Variants in CYP1B1 observed in about 807,000 individuals in gnomAD.
CYP1B1 encodes cytochrome P450 family 1 subfamily B member 1.
In CYP1B1, 22 loss-of-function variants were observed where a neutral mutation model predicts 29.9. The observed-to-expected ratio is 0.74, with a 90% CI of 0.53 to 1.05. The LOEUF is 1.05. Among genes scored for constraint, CYP1B1 ranks in the 50% least tolerant of loss-of-function variants. CYP1B1 has a pLI of 0.00. For missense variants in CYP1B1, 883 were observed against 746.9 expected, an observed-to-expected ratio of 1.18 and a Z score of -2.12; for synonymous variants, 375 against 320.0, an observed-to-expected ratio of 1.17 and a Z score of -1.83.
At position 38,075,189 on chromosome 2, in the gene CYP1B1, C is replaced by A. The variant is rs546950847; in HGVS notation, c.200G>T (p.Gly67Val). 2 of 1,568,566 alleles carry A rather than the reference C, an allele frequency of 1.3e-6. No homozygotes were observed. The highest frequency in any genetic ancestry group is 2.3e-5 in the East Asian group (1 of 43,504). Reference sequence around the variant, plus strand: ...AGCGAACGAGAGGTGAGCCGCCTGGCCCACCGCCGCCGCGTTTCCGATCAG... The same window carrying A: ...AGCGAACGAGAGGTGAGCCGCCTGGACCACCGCCGCCGCGTTTCCGATCAG... ...WPLIGNAAAV[G>V]QAAHLSFARL... is the part of the protein sequence containing the mutation. Residue 67 changes from glycine (G) to valine (V), a missense_variant, in exon 2 of 3, where the codon GGC becomes GTC. Gly to Val is a moderately radical substitution (Grantham distance 109, BLOSUM62 -3). Coordinates refer to ENST00000610745, the MANE Select transcript of CYP1B1 (RefSeq NM_000104.4).
At chr2:38,074,028 C>T (rs1294968958) in intron 2 of CYP1B1, 1 of 487,822 alleles carries the variant, frequency 2.0e-6, no homozygotes, top group Non-Finnish European at 3.7e-6. Context: ...CAGGGCTCAT[C>T]TCCAAGCATT....
rs987237179 is a variant in CYP1B1, at chr2:38,069,858, A to T, written c.*864T>A. 1.0e-5 allele frequency: 2 copies of T among 197,036 alleles called. No homozygotes were observed. The highest frequency in any genetic ancestry group is 4.6e-5 in the African/African-American group (2 of 43,358). The allele number at this position is 197,036 out of a possible 1,614,324, so 12.2% of individuals were successfully genotyped here. ...ATTTGGTGACTTTTTTTTTTAACCT[A>T]TGAGACTTACTGAAATCAGTACATT... On this transcript the variant is annotated 3_prime_UTR_variant, in exon 3 of 3. Transcript: ENST00000610745.
intron 2 of CYP1B1, among the ~76,000 whole-genome samples, 182 bp from the exon 3 acceptor site, chr2:38,071,492 A>G (rs965054437): frequency 2.0e-5 from 3 of 152,228 alleles, no homozygotes; most frequent in African/African-American, 7.2e-5. Flanking sequence ...ACTAAATTAC[A>G]AGATGGACTT....
chr2:38,070,797 A>G lies in CYP1B1; in HGVS notation c.1557T>C (p.Asn519=), dbSNP rs201985503. ...LTIKPKSFKV[N]VTLRESMELL... is the part of the protein sequence containing the mutation. ...GCTCCATGGACTCTCTGAGAGTGAC[A>G]TTGACTTTAAATGACTTGGGTTTAA... Residue 519 remains asparagine, a synonymous_variant, in exon 3 of 3, where the codon AAT becomes AAC. Transcript: ENST00000610745. The G allele has an allele frequency of 4.0e-5, 64 of 1,614,124 alleles. No individual in the cohort carries two copies. The highest frequency in any genetic ancestry group is 5.1e-5 in the Non-Finnish European group (60 of 1,180,046).
chr2:38,068,427 T>C lies in CYP1B1; in HGVS notation c.*2295A>G. The C allele has an allele frequency of 4.4e-6, 1 of 227,146 alleles. No individual in the cohort carries two copies. Among genetic ancestry groups the C allele is most frequent in the Non-Finnish European group, 8.8e-6 (1 of 113,996 alleles). The allele number at this position is 227,146 out of a possible 1,614,324, so 14.1% of individuals were successfully genotyped here. ...ATACGTAAAAACAGATTATAGCACA[T>C]CTGGACCTGGTTGACATAATGAGGC... On this transcript the variant is annotated 3_prime_UTR_variant, in exon 3 of 3. Transcript: ENST00000610745.
At position 38,068,342 on chromosome 2, in the gene CYP1B1, T is replaced by G. The variant is rs936796411; in HGVS notation, c.*2380A>C. On this transcript the variant is annotated 3_prime_UTR_variant, in exon 3 of 3. Coordinates refer to ENST00000610745, the MANE Select transcript of CYP1B1 (RefSeq NM_000104.4). ...CCAGGTAAACTCCAAGCACCTTACT[T>G]TCTTCCATATAAACACAGCTTTCCT... is the stretch of plus-strand genomic sequence containing the variant. The G allele has an allele frequency of 8.8e-6, 2 of 226,156 alleles. No homozygotes were observed. The highest frequency in any genetic ancestry group is 4.4e-5 in the African/African-American group (2 of 44,950). 14.0% of individuals were successfully genotyped at this position (226,156 alleles called of 1,614,324 possible).
chr2:38,072,256 TAC>T (rs1407889755), intron 2 of CYP1B1, among the ~76,000 whole-genome samples: 3 of 152,156 alleles, frequency 2.0e-5, no homozygotes, highest in African/African-American at 7.2e-5. Flanking sequence ...GGCATGGTGG[TAC>T]ACGCCTGTAG....
At position 38,075,359 on chromosome 2, in the gene CYP1B1, A is replaced by T; in HGVS notation, c.30T>A (p.Pro10=). 3 of 1,613,180 alleles carry T rather than the reference A, an allele frequency of 1.9e-6. No individual in the cohort carries two copies. The highest frequency in any genetic ancestry group is 2.5e-6 in the Non-Finnish European group (3 of 1,179,986). Residue 10 remains proline (P), a synonymous_variant, in exon 2 of 3, where the codon CCT becomes CCA. Transcript: ENST00000610745. ...GGATGGACAGCGGGTTTAGCGGCCA[A>T]GGGTCGTTCGGGCTGAGGCTGGTGC... MGTSLSPND[P]WPLNPLSIQQ...
chr2:38,074,305 A>G, intron 2 of CYP1B1, 41 bp downstream of exon 2: 1 of 1,601,530 alleles, frequency 6.2e-7, no homozygotes, highest in Non-Finnish European at 8.5e-7. Context: ...CGCCTTTTTC[A>G]GAGGAGAAAA....
In CYP1B1 at chr2:38,075,356, C is replaced by A; in HGVS notation, c.33G>T (p.Trp11Cys). The change falls in exon 2 of 3, where the codon TGG becomes TGT. Residue 11 changes from tryptophan to cysteine, a missense_variant. Physicochemically the swap from Trp to Cys is radical, Grantham distance 215. Coordinates refer to ENST00000610745, the MANE Select transcript of CYP1B1 (RefSeq NM_000104.4). ...GCTGGATGGACAGCGGGTTTAGCGGCCAAGGGTCGTTCGGGCTGAGGCTGG... is the reference window on the plus strand; with the variant it reads ...GCTGGATGGACAGCGGGTTTAGCGGACAAGGGTCGTTCGGGCTGAGGCTGG... MGTSLSPNDP[W>C]PLNPLSIQQT... 7 of 1,613,192 alleles carry A rather than the reference C, an allele frequency of 4.3e-6. No homozygotes were observed. Among genetic ancestry groups the A allele is most frequent in the Non-Finnish European group, 5.9e-6 (7 of 1,179,988 alleles).
intron 2 of CYP1B1, among the ~76,000 whole-genome samples, chr2:38,072,050 C>T (rs910885053): frequency 5.3e-5 from 8 of 152,154 alleles, no homozygotes; most frequent in African/African-American, 1.9e-4. Flanking sequence ...AGTACTTATT[C>T]ACTGTTGATG....
At chr2:38,071,344 A>G in intron 2 of CYP1B1, 34 bp from the exon 3 acceptor site, 1 of 1,590,820 alleles carries the variant, frequency 6.3e-7, no homozygotes, top group African/African-American at 1.3e-5. Context: ...GAGAAAAGCA[A>G]GTGAGCAAAA....
At position 38,074,968 on chromosome 2, in the gene CYP1B1, A is replaced by T; in HGVS notation, c.421T>A (p.Trp141Arg). Residue 141 changes from tryptophan to arginine, a missense_variant, in exon 2 of 3, where the codon TGG (tryptophan) becomes AGG (arginine). By Grantham distance (101) the Trp-to-Arg change is moderately radical. Transcript: ENST00000610745. ...TGGGCTGCGCGCCGCTGCACCTTCCAGTGCTCCGAGTAGTGGCCGAAAGCC... is the reference window on the plus strand; with the variant it reads ...TGGGCTGCGCGCCGCTGCACCTTCCTGTGCTCCGAGTAGTGGCCGAAAGCC... ...SMAFGHYSEH[W>R]KVQRRAAHSM... is the part of the protein sequence containing the mutation. 1.3e-6 allele frequency: 2 copies of T among 1,581,960 alleles called. No individual in the cohort carries two copies. The highest frequency in any genetic ancestry group is 1.7e-6 in the Non-Finnish European group (2 of 1,172,060).
At chr2:38,072,641 C>T (rs1230020837) in intron 2 of CYP1B1, among the ~76,000 whole-genome samples, 1 of 152,182 alleles carries the variant, frequency 6.6e-6, no homozygotes, top group Non-Finnish European at 1.5e-5. Flanking sequence ...AGAATCGCTT[C>T]TTCAACATTA....
In CYP1B1 at chr2:38,071,588, C is replaced by T. The variant is rs181451364; in HGVS notation, c.1044-278G>A. Among the ~76,000 whole-genome samples the T allele has an allele frequency of 1.3e-3, 202 of 152,290 alleles. 1 individual carries two copies. The highest frequency in any genetic ancestry group is 4.7e-3 in the African/African-American group (197 of 41,556). On this transcript the variant is annotated intron_variant, in intron 2 of 2. Transcript: ENST00000610745. ...TCAAAAAACTCTTAAGTTTTCCCAG[C>T]CTCAAAAAGCACAATAGTAGATAAG...
rs1235928280 is a variant in CYP1B1 at position 38,074,814 on chromosome 2, T to G, written c.575A>C (p.Asp192Ala). 6.3e-7 allele frequency: 1 copy of G among 1,575,588 alleles called. No individual in the cohort carries two copies. ...VRGSADGAFL[D>A]PRPLTVVAVA... ...GGCCACGACGGTCAGCGGCCTCGGG[T>G]CGAGGAAGGCGCCGTCCGCGCTGCC... Residue 192 changes from aspartate to alanine, a missense_variant, in exon 2 of 3, where the codon GAC becomes GCC. Transcript: ENST00000610745.
rs554309996 is a variant in CYP1B1, at chr2:38,069,092, T to C, written c.*1630A>G. 1 of 226,234 alleles carries C rather than the reference T, an allele frequency of 4.4e-6. No homozygotes were observed. Among genetic ancestry groups the C allele is most frequent in the South Asian group, 1.8e-4 (1 of 5,478 alleles). The allele number at this position is 226,234 out of a possible 1,614,324, so 14.0% of individuals were successfully genotyped here. A position where few individuals can be genotyped will look rare whatever the true frequency, so the allele number is the denominator to read the frequency against. ...TAAAACTTGAAACTTCAATTCACTT[T>C]TCTAAATGTGAATGCATACATTTCA... On this transcript the variant is annotated 3_prime_UTR_variant, in exon 3 of 3. Coordinates refer to ENST00000610745, the MANE Select transcript of CYP1B1 (RefSeq NM_000104.4).
chr2:38,072,471 AATACT>A (rs1162947876), intron 2 of CYP1B1, among the ~76,000 whole-genome samples: 4 of 152,242 alleles, frequency 2.6e-5, no homozygotes, highest in Non-Finnish European at 5.9e-5. Context: ...ATCATAGCAA[AATACT>A]ATATAGCCAT....
At position 38,069,966 on chromosome 2, in the gene CYP1B1, A is replaced by C. The variant is rs1297766116; in HGVS notation, c.*756T>G. The C allele has an allele frequency of 1.0e-5, 2 of 200,690 alleles. No individual in the cohort carries two copies. The highest frequency in any genetic ancestry group is 4.6e-5 in the African/African-American group (2 of 43,524). 12.4% of individuals were successfully genotyped at this position (200,690 alleles called of 1,614,324 possible). On this transcript the variant is annotated 3_prime_UTR_variant, in exon 3 of 3. Transcript: ENST00000610745. ...AATTCTGTACTTTGGCAAGCAAAAG[A>C]GGTACAACATCACCTTGGAGTTTTA... is the stretch of plus-strand genomic sequence containing the variant.
Sources: allele counts gnomAD v4.1 joint callset (sites outside exome capture counted in the v4.1 genomes callset), GRCh38; gene constraint gnomAD v4.1.1; transcripts MANE v1.5; gene names NCBI Gene and HGNC (gene_info 2026-07-23, HGNC 2026-07-21).